DCAF17: variants seen among roughly 807,000 people sequenced by gnomAD.
DCAF17 encodes DDB1 and CUL4 associated factor 17.
A neutral mutation model predicts 66.0 loss-of-function variants in DCAF17; 48 were observed. That is an observed-to-expected ratio of 0.73 (90% CI 0.58 to 0.92). DCAF17 has a LOEUF of 0.92. Ranked by LOEUF, DCAF17 falls within the 40% of genes least tolerant of loss-of-function variation. The pLI, the probability that DCAF17 is intolerant of heterozygous loss-of-function variation, is 0.00. For missense variants in DCAF17, 562 were observed against 622.8 expected (o/e 0.90, Z 1.04); for synonymous variants, 206 against 214.6 (o/e 0.96, Z 0.35).
intron 8 of DCAF17, among the ~76,000 whole-genome samples, chr2:171,468,423 T>A (rs1696048573): frequency 6.6e-6 from 1 of 152,188 alleles, no homozygotes; most frequent in Non-Finnish European, 1.5e-5. Flanking sequence ...TGAGTATACC[T>A]GTTAGTCCAG....
At chr2:171,476,203 C>T (rs1163447461) in intron 10 of DCAF17, among the ~76,000 whole-genome samples, 1 of 151,704 alleles carries the variant, frequency 6.6e-6, no homozygotes, top group Non-Finnish European at 1.5e-5. Flanking sequence ...GCTTTTGAAG[C>T]TTGTTAACAA....
chr2:171,474,866 C>T (rs1185130218), intron 10 of DCAF17, among the ~76,000 whole-genome samples: 1 of 152,230 alleles, frequency 6.6e-6, no homozygotes, highest in Non-Finnish European at 1.5e-5. Context: ...TTGGCCAGGT[C>T]ACTGTCATCA....
chr2:171,467,154 A>G (rs1344896637), intron 8 of DCAF17, among the ~76,000 whole-genome samples: 3 of 152,172 alleles, frequency 2.0e-5, no homozygotes, highest in African/African-American at 7.2e-5. Flanking sequence ...TTTGAACTGC[A>G]CAAGTCCACT....
At position 171,453,037 on chromosome 2, in the gene DCAF17, G is replaced by A. The variant is rs952039921; in HGVS notation, c.538-87G>A. The A allele has an allele frequency of 4.4e-6, 4 of 913,780 alleles. No homozygotes were observed. The Admixed American group carries it at 6.6e-5, about 15-fold the overall frequency. The allele number at this position is 913,780 out of a possible 1,614,324, so 56.6% of individuals were successfully genotyped here. A position where few individuals can be genotyped will look rare whatever the true frequency, so the allele number is the denominator to read the frequency against. ...AAAATGTCTGTATAACTACATGCTAGAACAGATGGATTTTTTCAACTAATG... is the reference window on the plus strand; with the variant it reads ...AAAATGTCTGTATAACTACATGCTAAAACAGATGGATTTTTTCAACTAATG... On this transcript the variant is annotated intron_variant, in intron 5 of 13. Transcript: ENST00000375255.
In DCAF17 at chr2:171,434,574, C is replaced by A; in HGVS notation, c.-4C>A. The A allele has an allele frequency of 4.6e-6, 7 of 1,526,278 alleles. No homozygotes were observed. The highest frequency in any genetic ancestry group is 6.1e-6 in the Non-Finnish European group (7 of 1,142,616). The allele number at this position is 1,526,278 out of a possible 1,614,324, so 94.5% of individuals were successfully genotyped here. A position where few individuals can be genotyped will look rare whatever the true frequency, so the allele number is the denominator to read the frequency against. On this transcript the variant is annotated 5_prime_UTR_variant, in exon 1 of 14. Transcript: ENST00000375255. ...AGCCTACCCAGGGCCCGGCCCGCGC[C>A]TCCATGGGCCCGACCCGGAAGCCCA... is the stretch of plus-strand genomic sequence containing the variant.
rs569741194 is a variant in DCAF17 at position 171,442,971 on chromosome 2, A to ATAGC, written c.231-551_231-548dup. Among the ~76,000 whole-genome samples, 576 of 152,264 alleles carry ATAGC rather than the reference A, an allele frequency of 3.8e-3. 5 individuals are homozygous for ATAGC. The highest frequency in any genetic ancestry group is 0.013 in the African/African-American group (553 of 41,558). Reference sequence around the variant, plus strand: ...AGAGACTATTTTTCACATCAAAGATATAGCATTCAATATTGGCAGAAGTAT... The same window carrying ATAGC: ...AGAGACTATTTTTCACATCAAAGATATAGCTAGCATTCAATATTGGCAGAAGTAT... On this transcript the variant is annotated intron_variant, in intron 2 of 13. Transcript: ENST00000375255.
chr2:171,459,492 T>A (rs1486314437), intron 8 of DCAF17, among the ~76,000 whole-genome samples: 1 of 152,222 alleles, frequency 6.6e-6, no homozygotes, highest in East Asian at 1.9e-4. Flanking sequence ...ATTATCCTAA[T>A]ATCTGTTTAT....
At position 171,449,801 on chromosome 2, in the gene DCAF17, TTATAAAA is replaced by T. The variant is rs1694843185; in HGVS notation, c.459-72_459-66del. ...TTTAAATAACTAAAAAATAGTTTAC[TTATAAAA>T]TATAATATTTTGGTTTTAAGTATAA... On this transcript the variant is annotated intron_variant, in intron 4 of 13. Transcript: ENST00000375255. 1.1e-5 allele frequency: 10 copies of T among 882,482 alleles called. No individual in the cohort carries two copies. The Admixed American group carries it at 2.5e-4, about 22-fold the overall frequency. 54.7% of individuals were successfully genotyped at this position (882,482 alleles called of 1,614,324 possible). A position where few individuals can be genotyped will look rare whatever the true frequency, so the allele number is the denominator to read the frequency against.
At chr2:171,458,953 A>G (rs921339362) in intron 8 of DCAF17, among the ~76,000 whole-genome samples, 1 of 152,218 alleles carries the variant, frequency 6.6e-6, no homozygotes, top group African/African-American at 2.4e-5. Context: ...AGAAAATTAT[A>G]TACAAGTCTA....
Position 171,453,183 on chromosome 2 carries a change from A to C in DCAF17, c.597A>C (p.Ser199=), listed in dbSNP as rs1299342172. ...CAGTGTTCCGAGTTCTACCTTTTTC[A>C]CTTGTAGGGATTCTAGAGATCAACA... ...YLAVFRVLPF[S]LVGILEINKK... The change falls in exon 6 of 14, where the codon TCA becomes TCC. Residue 199 remains serine (S), a synonymous_variant. Transcript: ENST00000375255. The C allele has an allele frequency of 6.2e-7, 1 of 1,612,538 alleles. No individual in the cohort carries two copies. The highest frequency in any genetic ancestry group is 8.5e-7 in the Non-Finnish European group (1 of 1,179,256).
At position 171,483,163 on chromosome 2, in the gene DCAF17, A is replaced by G. The variant is rs1216326103; in HGVS notation, c.*2049A>G. On this transcript the variant is annotated 3_prime_UTR_variant, in exon 14 of 14. Transcript: ENST00000375255. ...CACACATAGCGAGAGACAATGAAGC[A>G]TGCTTCCCAGCTCGCCAGAGTGTCA... 1 of 454,132 alleles carries G rather than the reference A, an allele frequency of 2.2e-6. No individual in the cohort carries two copies. The allele number at this position is 454,132 out of a possible 1,614,324, so 28.1% of individuals were successfully genotyped here.
At chr2:171,465,453 AG>A (rs1695845023) in intron 8 of DCAF17, among the ~76,000 whole-genome samples, 1 of 152,116 alleles carries the variant, frequency 6.6e-6, no homozygotes, top group African/African-American at 2.4e-5. Flanking sequence ...TATAGTTGAA[AG>A]GTTGAAACCG....
chr2:171,465,339 A>G (rs1341805786), intron 8 of DCAF17, among the ~76,000 whole-genome samples: 1 of 152,194 alleles, frequency 6.6e-6, no homozygotes, highest in Non-Finnish European at 1.5e-5. Context: ...TATAGGATTA[A>G]GCTACCAGCA....
chr2:171,453,246 T>C, intron 6 of DCAF17, 33 bp downstream of exon 6: 1 of 1,447,324 alleles, frequency 6.9e-7, no homozygotes, highest in South Asian at 1.2e-5. Flanking sequence ...ATTGCAATAT[T>C]TTATTGACAA....
At chr2:171,451,619 A>G (rs1318164324) in intron 5 of DCAF17, among the ~76,000 whole-genome samples, 2 of 152,214 alleles carry the variant, frequency 1.3e-5, no homozygotes, top group Non-Finnish European at 1.5e-5. Flanking sequence ...CTTTGTTGCC[A>G]GGCTAGAGTG....
At chr2:171,446,951 G>T (rs144812292) in intron 3 of DCAF17, among the ~76,000 whole-genome samples, 1,780 of 152,078 alleles carry the variant, frequency 0.012, 41 homozygotes, top group African/African-American at 0.041. Flanking sequence ...CAATATGAAG[G>T]GTCAAGACTG....
At chr2:171,470,916 A>T (rs984862979) in intron 9 of DCAF17, among the ~76,000 whole-genome samples, 2 of 152,146 alleles carry the variant, frequency 1.3e-5, no homozygotes, top group Non-Finnish European at 2.9e-5. Flanking sequence ...GGTATAAGGG[A>T]TGATGTGCAT....
intron 5 of DCAF17, among the ~76,000 whole-genome samples, chr2:171,451,717 A>G (rs578075663): frequency 1.9e-4 from 29 of 152,282 alleles, no homozygotes; most frequent in African/African-American, 6.7e-4. Context: ...CTGGGACTAC[A>G]GGCGTGCACC....
In DCAF17 at chr2:171,443,564, G is replaced by A. The variant is rs1243103584; in HGVS notation, c.272G>A (p.Cys91Tyr). ...EPRKLYEMPK[C>Y]SKSEKIEDAL... Reference sequence around the variant, plus strand: ...AGAAAACTTTATGAAATGCCAAAATGTTCCAAATCAGAAAAAATAGAGGAT... The same window carrying A: ...AGAAAACTTTATGAAATGCCAAAATATTCCAAATCAGAAAAAATAGAGGAT... Residue 91 changes from cysteine (C) to tyrosine (Y), a missense_variant, in exon 3 of 14, where the codon TGT becomes TAT. Around this residue, in one of 3 missense-constraint regions of DCAF17, gnomAD observed 348 missense variants for 355.9 expected, o/e 0.98. Transcript: ENST00000375255. 1 of 1,613,010 alleles carries A rather than the reference G, an allele frequency of 6.2e-7. No individual in the cohort carries two copies. The highest frequency in any genetic ancestry group is 1.7e-5 in the Admixed American group (1 of 59,998).
Sources: allele counts gnomAD v4.1 joint callset (sites outside exome capture counted in the v4.1 genomes callset), GRCh38; gene constraint gnomAD v4.1.1; regional missense constraint gnomAD v4.1.1; transcripts MANE v1.5; gene names NCBI Gene and HGNC (gene_info 2026-07-23, HGNC 2026-07-21).